Variants in SYCP2 observed in about 807,000 individuals in gnomAD.
SYCP2 encodes the protein synaptonemal complex protein 2.
In SYCP2, 55 loss-of-function variants were observed where a neutral mutation model predicts 211.3. That is an observed-to-expected ratio of 0.26 (90% confidence interval 0.21 to 0.33). The LOEUF (loss-of-function observed/expected upper bound fraction) is 0.33. Among genes scored for constraint, SYCP2 ranks in the 10% least tolerant of loss-of-function variants. The probability of loss-of-function intolerance (pLI) is 1.00; values close to 1 mark genes in which losing one functional copy is unlikely to be tolerated. For missense variants in SYCP2, 1,731 were observed against 1,752.0 expected (o/e 0.99, Z 0.21); for synonymous variants, 570 against 555.2 (o/e 1.03, Z -0.37).
In SYCP2 at chr20:59,866,569, A is replaced by C. The variant is rs548415123; in HGVS notation, c.4146T>G (p.Ser1382Arg). The C allele has an allele frequency of 3.1e-6, 5 of 1,598,870 alleles. No individual in the cohort carries two copies. In the South Asian group the frequency reaches 4.5e-5, roughly 14 times the overall value. The change falls in exon 40 of 45, where the codon AGT becomes AGG. Residue 1382 changes from serine (S) to arginine (R), a missense_variant. Ser to Arg is a moderately radical substitution (Grantham distance 110, BLOSUM62 -1). Around this residue, in one of 3 missense-constraint regions of SYCP2, gnomAD observed 1,387 missense variants for 1,351.3 expected, o/e 1.03. Coordinates refer to ENST00000357552, the MANE Select transcript of SYCP2 (RefSeq NM_014258.4). ...TTTTCCAAGACTGCGTAGTAAAATA[A>C]CTCAACATTTTATGTCGGATCTGAA... The part of the protein sequence containing the change: ...RRNNIRHKML[S>R]YFTTQSWKTA...
intron 5 of SYCP2, among the ~76,000 whole-genome samples, chr20:59,919,859 G>C (rs965364975): frequency 2.6e-5 from 4 of 151,292 alleles, no homozygotes; most frequent in African/African-American, 9.7e-5. Context: ...TTCCTAGTTA[G>C]GGTACGTTTA....
rs900225762 is a variant in SYCP2 at position 59,880,955 on chromosome 20, T to C, written c.2772+11A>G. The C allele has an allele frequency of 5.9e-6, 8 of 1,349,586 alleles. No homozygotes were observed. Among genetic ancestry groups the C allele is most frequent in the Non-Finnish European group, 8.3e-6 (8 of 969,648 alleles). 83.6% of individuals were successfully genotyped at this position (1,349,586 alleles called of 1,614,324 possible). On this transcript the variant is annotated intron_variant, in intron 30 of 44. Transcript: ENST00000357552. ...TACTTCTAATAGACATATTGAGATA[T>C]TATAACTTACTTTTTTATCTTTTGT...
At position 59,915,533 on chromosome 20, in the gene SYCP2, A is replaced by G. The variant is rs774188429; in HGVS notation, c.531T>C (p.Asn177=). 1.6e-5 allele frequency: 26 copies of G among 1,606,390 alleles called. No homozygotes were observed. In the South Asian group the frequency reaches 2.9e-4, roughly 18 times the overall value. Residue 177 remains asparagine, a synonymous_variant, in exon 9 of 45, where the codon AAT becomes AAC. Coordinates refer to ENST00000357552, the MANE Select transcript of SYCP2 (RefSeq NM_014258.4). ...CIQQEIIKKM[N]AMLDKMPQDA... ...CTTGAGGCATTTTGTCAAGCATAGC[A>G]TTCATTTTTTTTATAATCTAGAAAA...
chr20:59,906,868 T>C (rs769444854), intron 15 of SYCP2, among the ~76,000 whole-genome samples: 24 of 151,896 alleles, frequency 1.6e-4, no homozygotes, highest in Non-Finnish European at 5.9e-5. Flanking sequence ...CAAAGGAAAA[T>C]ATATGAATGG....
At chr20:59,871,552 T>C (rs572886704) in intron 35 of SYCP2, among the ~76,000 whole-genome samples, 1 of 151,952 alleles carries the variant, frequency 6.6e-6, no homozygotes, top group African/African-American at 2.4e-5. Flanking sequence ...TTACCTAGGC[T>C]TGGAGATTTT....
In SYCP2 at chr20:59,902,634, G is replaced by A. The variant is rs557398750; in HGVS notation, c.1034-824C>T. Among the ~76,000 whole-genome samples, 3 of 152,214 alleles carry A rather than the reference G, an allele frequency of 2.0e-5. No homozygotes were observed. The East Asian group carries it at 5.8e-4, about 29-fold the overall frequency. ...CAGGCCACGCCATGATGTGGCCTAA[G>A]GGACAAATGTCCTATAGGCTATGAA... On this transcript the variant is annotated intron_variant, in intron 15 of 44. Transcript: ENST00000357552.
At chr20:59,910,374 ATTTTTTT>A (rs898302276) in intron 14 of SYCP2, among the ~76,000 whole-genome samples, 83 of 76,234 alleles carry the variant, frequency 1.1e-3, no homozygotes, top group Non-Finnish European at 1.4e-3. Flanking sequence ...GTAATTGCTT[ATTTTTTT>A]TTTTTTTTTT....
intron 2 of SYCP2, among the ~76,000 whole-genome samples, chr20:59,929,413 G>A (rs936604730): frequency 6.6e-6 from 1 of 152,130 alleles, no homozygotes; most frequent in African/African-American, 2.4e-5. Flanking sequence ...TTACACTTTA[G>A]AGAAACTCAG....
chr20:59,932,909 T>TA (rs1376450284), intron 1 of SYCP2, among the ~76,000 whole-genome samples: 2 of 152,052 alleles, frequency 1.3e-5, no homozygotes, highest in East Asian at 3.9e-4. Flanking sequence ...GAGGAAGGTT[T>TA]TGCGCGCACT....
intron 35 of SYCP2, 53 bp from the exon 36 acceptor site, chr20:59,870,036 G>GC: frequency 1.7e-6 from 2 of 1,195,582 alleles, no homozygotes. Flanking sequence ...ATTGTTCAAA[G>GC]CCCCCCACTT....
intron 5 of SYCP2, among the ~76,000 whole-genome samples, chr20:59,920,140 A>G (rs189089688): frequency 5.4e-4 from 82 of 151,830 alleles, no homozygotes; most frequent in African/African-American, 1.9e-3. Context: ...TCAAGGCCTT[A>G]GGGAGCTTAA....
At chr20:59,929,426 G>A (rs1284926310) in intron 2 of SYCP2, among the ~76,000 whole-genome samples, 1 of 152,136 alleles carries the variant, frequency 6.6e-6, no homozygotes, top group Non-Finnish European at 1.5e-5. Flanking sequence ...AAACTCAGAA[G>A]CACAAAGGGA....
At chr20:59,913,402 T>G (rs2060369196) in intron 12 of SYCP2, among the ~76,000 whole-genome samples, 1 of 152,162 alleles carries the variant, frequency 6.6e-6, no homozygotes. Flanking sequence ...GTGAACTCAT[T>G]CATCCAATAA....
intron 26 of SYCP2, among the ~76,000 whole-genome samples, chr20:59,883,913 CCACA>C (rs998834180): frequency 1.3e-5 from 2 of 151,582 alleles, no homozygotes; most frequent in Admixed American, 6.6e-5. Flanking sequence ...TGCGTTCTTG[CCACA>C]CACACACAAA....
intron 15 of SYCP2, 124 bp from the exon 16 acceptor site, chr20:59,901,934 G>T: frequency 1.4e-6 from 1 of 727,402 alleles, no homozygotes; most frequent in Non-Finnish European, 2.0e-6. Context: ...ATTGAACAGT[G>T]TTTAAATTAA....
intron 24 of SYCP2, among the ~76,000 whole-genome samples, chr20:59,887,608 C>A (rs1418885855): frequency 6.6e-6 from 1 of 151,844 alleles, no homozygotes; most frequent in Admixed American, 6.6e-5. Context: ...GTTTACAGTC[C>A]CACCAACAGT....
intron 12 of SYCP2, among the ~76,000 whole-genome samples, chr20:59,912,761 T>A (rs142842899): frequency 3.0e-4 from 45 of 152,284 alleles, no homozygotes; most frequent in African/African-American, 1.0e-3. Context: ...AGGGACCTGG[T>A]AGGAGATAAC....
At position 59,900,124 on chromosome 20, in the gene SYCP2, G is replaced by T; in HGVS notation, c.1404+14C>A. ...TGGTAGTTTTATAAGCCAGTATTTTGACACCATCTTTACCTCAAGCTGACT... is the reference window on the plus strand; with the variant it reads ...TGGTAGTTTTATAAGCCAGTATTTTTACACCATCTTTACCTCAAGCTGACT... On this transcript the variant is annotated intron_variant, in intron 18 of 44. Coordinates refer to ENST00000357552, the MANE Select transcript of SYCP2 (RefSeq NM_014258.4). 1 of 1,611,814 alleles carries T rather than the reference G, an allele frequency of 6.2e-7. No individual in the cohort carries two copies. Among genetic ancestry groups the T allele is most frequent in the Non-Finnish European group, 8.5e-7 (1 of 1,178,510 alleles).
chr20:59,927,007 C>A (rs962735428), intron 2 of SYCP2, among the ~76,000 whole-genome samples: 2 of 152,098 alleles, frequency 1.3e-5, no homozygotes, highest in African/African-American at 2.4e-5. Flanking sequence ...AGAACTTTGG[C>A]ATTGGACAAA....
Sources: gnomAD v4.1 joint callset for allele counts (sites outside exome capture counted in the v4.1 genomes callset) on GRCh38, gnomAD v4.1.1 for gene constraint, gnomAD v4.1.1 regional missense constraint, MANE v1.5 for transcripts, NCBI Gene and HGNC (gene_info 2026-07-23, HGNC 2026-07-21) for gene names.